The following GLIS1 variants were observed in gnomAD, a reference collection of about 807,000 sequenced individuals.
The protein encoded by GLIS1 is GLIS family zinc finger 1, also known as zinc finger protein GLIS1.
A neutral mutation model predicts 63.8 loss-of-function variants in GLIS1; 24 were observed. That is an observed-to-expected ratio of 0.38 (90% CI 0.27 to 0.53). GLIS1 has a LOEUF of 0.53. GLIS1 is among the 20% of genes least tolerant of loss of function. GLIS1 has a pLI of 0.85. For synonymous variants in GLIS1, 450 were observed against 482.5 expected (o/e 0.93, Z 0.88); for missense variants, 1,036 against 1,074.1 (o/e 0.96, Z 0.50).
At chr1:53,736,507 C>T (rs1321054998) in intron 2 of GLIS1, among the ~76,000 whole-genome samples, 1 of 152,120 alleles carries the variant, frequency 6.6e-6, no homozygotes, top group Non-Finnish European at 1.5e-5. Context: ...CGGCAGCAAA[C>T]ATTACTCATG....
At chr1:53,678,556 G>C (rs1646240710) in intron 2 of GLIS1, among the ~76,000 whole-genome samples, 1 of 152,042 alleles carries the variant, frequency 6.6e-6, no homozygotes, top group Non-Finnish European at 1.5e-5. Context: ...GCCATGGATG[G>C]GGAGGTGATG....
At chr1:53,529,369 G>A (rs1209567611) in intron 5 of GLIS1, among the ~76,000 whole-genome samples, 2 of 152,192 alleles carry the variant, frequency 1.3e-5, no homozygotes, top group Non-Finnish European at 2.9e-5. Flanking sequence ...AGGAAGAGCA[G>A]GGAGCAATCT....
chr1:53,542,160 C>A (rs1029453102), intron 4 of GLIS1, among the ~76,000 whole-genome samples: 13 of 152,242 alleles, frequency 8.5e-5, no homozygotes, highest in Non-Finnish European at 7.3e-5. Context: ...GGGCCAGGAA[C>A]CCTGAGGATA....
intron 2 of GLIS1, among the ~76,000 whole-genome samples, chr1:53,672,967 T>C (rs998557938): frequency 1.3e-5 from 2 of 152,176 alleles, no homozygotes; most frequent in African/African-American, 4.8e-5. Context: ...AGGCCCAACA[T>C]AGCCAGACTG....
chr1:53,652,575 G>GGATAGTGTCTGACTCATCT (rs1409907430), intron 2 of GLIS1, among the ~76,000 whole-genome samples: 1 of 152,172 alleles, frequency 6.6e-6, no homozygotes, highest in Admixed American at 6.5e-5. Flanking sequence ...TGGAGGGCAG[G>GGATAGTGTCTGACTCATCT]GATAGTGTCT....
At chr1:53,652,566 G>A (rs1371939966) in intron 2 of GLIS1, among the ~76,000 whole-genome samples, 2 of 152,176 alleles carry the variant, frequency 1.3e-5, no homozygotes, top group Non-Finnish European at 2.9e-5. Flanking sequence ...ATGAGCCCCT[G>A]GAGGGCAGGG....
chr1:53,592,574 A>T (rs1042842431), intron 4 of GLIS1, among the ~76,000 whole-genome samples: 42 of 152,028 alleles, frequency 2.8e-4, no homozygotes, highest in African/African-American at 1.0e-3. Flanking sequence ...CTATTGGTCA[A>T]CTCCTAGGCA....
At chr1:53,705,077 C>CT (rs927848044) in intron 2 of GLIS1, among the ~76,000 whole-genome samples, 4 of 152,216 alleles carry the variant, frequency 2.6e-5, no homozygotes, top group African/African-American at 9.6e-5. Flanking sequence ...AGGCATTTTG[C>CT]TTTTCAGGGC....
rs191387312 is a variant in GLIS1, at chr1:53,692,442, A to G, written c.259+45364T>C. On this transcript the variant is annotated intron_variant, in intron 2 of 10. Transcript: ENST00000628545. ...GAAGGACGTAACGATAACAATAAAC[A>G]TAGCTAGCAATTATTGAGCACTTAC... is the stretch of plus-strand genomic sequence containing the variant. Among the ~76,000 whole-genome samples, 72 of 152,368 alleles carry G rather than the reference A, an allele frequency of 4.7e-4. 1 individual carries two copies. Among genetic ancestry groups the G allele is most frequent in the African/African-American group, 1.6e-3 (66 of 41,584 alleles).
chr1:53,563,604 G>A (rs1016140572), intron 4 of GLIS1, among the ~76,000 whole-genome samples: 2 of 152,150 alleles, frequency 1.3e-5, no homozygotes, highest in Non-Finnish European at 2.9e-5. Flanking sequence ...AAATATAGCA[G>A]CCAGAATAAG....
chr1:53,515,305 A>C (rs1644341255), intron 7 of GLIS1, among the ~76,000 whole-genome samples: 2 of 152,076 alleles, frequency 1.3e-5, no homozygotes, highest in Non-Finnish European at 2.9e-5. Flanking sequence ...CTGCAGGGCA[A>C]TGGGCTGCCC....
chr1:53,600,882 G>A (rs1321106144), intron 2 of GLIS1, among the ~76,000 whole-genome samples: 1 of 152,214 alleles, frequency 6.6e-6, no homozygotes, highest in African/African-American at 2.4e-5. Context: ...TTCTTCCACA[G>A]CCTGCCTCAT....
At position 53,509,210 on chromosome 1, in the gene GLIS1, C is replaced by A; in HGVS notation, c.2140G>T (p.Gly714Cys). The A allele has an allele frequency of 6.3e-7, 1 of 1,597,726 alleles. No homozygotes were observed. Among genetic ancestry groups the A allele is most frequent in the Non-Finnish European group, 8.5e-7 (1 of 1,172,740 alleles). ...DCYRMAEPAA[G>C]GDGLVGETHG... is the part of the protein sequence containing the mutation. The stretch of plus-strand genomic sequence containing the variant: ...GTCTCCCCGACCAGTCCGTCCCCAC[C>A]GGCTGCTGGTTCAGCCATCCGGTAG... Residue 714 changes from glycine (G) to cysteine (C), a missense_variant, in exon 10 of 11, where the codon GGT becomes TGT. Coordinates refer to ENST00000628545, the MANE Select transcript of GLIS1 (RefSeq NM_001367484.1).
chr1:53,541,509 A>C (rs1355167230), intron 4 of GLIS1, among the ~76,000 whole-genome samples: 1 of 152,276 alleles, frequency 6.6e-6, no homozygotes, highest in Non-Finnish European at 1.5e-5. Flanking sequence ...GCACTGATCC[A>C]GCCCAGTGCC....
In GLIS1 at chr1:53,737,896, G is replaced by A; in HGVS notation, c.169C>T (p.Pro57Ser). 8.1e-7 allele frequency: 1 copy of A among 1,230,610 alleles called. No individual in the cohort carries two copies. The highest frequency in any genetic ancestry group is 1.0e-6 in the Non-Finnish European group (1 of 987,198). 76.2% of individuals were successfully genotyped at this position (1,230,610 alleles called of 1,614,324 possible). A position where few individuals can be genotyped will look rare whatever the true frequency, so the allele number is the denominator to read the frequency against. The part of the protein sequence containing the change: ...DRGPRDLLAR[P>S]PAPPPRAHDL... The stretch of plus-strand genomic sequence containing the variant: ...TGGGCGCGCGGTGGCGGCGCAGGCG[G>A]CCGGGCTAGCAGGTCCCGCGGGCCC... Residue 57 changes from proline (P) to serine (S), a missense_variant, in exon 2 of 11, where the codon CCG becomes TCG. Physicochemically the swap from Pro to Ser is moderately conservative, Grantham distance 74. Transcript: ENST00000628545.
intron 4 of GLIS1, among the ~76,000 whole-genome samples, chr1:53,582,955 T>C (rs1300174329): frequency 1.3e-5 from 2 of 152,224 alleles, no homozygotes; most frequent in Non-Finnish European, 2.9e-5. Context: ...ACTCATTTTT[T>C]CTGCCTGTGG....
At chr1:53,571,805 C>T (rs1644987115) in intron 4 of GLIS1, among the ~76,000 whole-genome samples, 1 of 152,222 alleles carries the variant, frequency 6.6e-6, no homozygotes, top group East Asian at 1.9e-4. Flanking sequence ...GTCTCGATCT[C>T]CTGACCTCGT....
intron 2 of GLIS1, among the ~76,000 whole-genome samples, chr1:53,728,250 G>A (rs1646824915): frequency 6.6e-6 from 1 of 152,160 alleles, no homozygotes; most frequent in Non-Finnish European, 1.5e-5. Flanking sequence ...GAATCAGTAG[G>A]GTCAATCTGG....
chr1:53,736,417 T>G (rs1220499856), intron 2 of GLIS1, among the ~76,000 whole-genome samples: 3 of 152,174 alleles, frequency 2.0e-5, no homozygotes, highest in Non-Finnish European at 4.4e-5. Flanking sequence ...CAGCCATGAT[T>G]TTTTTAAACA....
Sources: allele counts gnomAD v4.1 joint callset (sites outside exome capture counted in the v4.1 genomes callset), GRCh38; gene constraint gnomAD v4.1.1; transcripts MANE v1.5; gene names NCBI Gene and HGNC (gene_info 2026-07-23, HGNC 2026-07-21).